The following HADH variants were observed in gnomAD, a reference collection of about 807,000 sequenced individuals.
HADH encodes hydroxyacyl-CoA dehydrogenase, also known as hydroxyacyl-coenzyme A dehydrogenase, mitochondrial.
HADH carries 24 observed loss-of-function variants against 32.2 expected under a neutral mutation model. That is an observed-to-expected ratio of 0.75 (90% CI 0.54 to 1.05). The LOEUF is 1.05. HADH is among the 50% of genes least tolerant of loss of function. The probability of loss-of-function intolerance (pLI) is 0.00; values close to 1 mark genes in which losing one functional copy is unlikely to be tolerated. For missense variants in HADH, 350 were observed against 397.1 expected, an observed-to-expected ratio of 0.88 and a Z score of 1.01; for synonymous variants, 139 against 152.5, an observed-to-expected ratio of 0.91 and a Z score of 0.65.
chr4:108,010,820 T>G (rs1179147150), intron 2 of HADH, among the ~76,000 whole-genome samples: 4 of 152,062 alleles, frequency 2.6e-5, no homozygotes, highest in Non-Finnish European at 5.9e-5. Flanking sequence ...AAGGTTCATC[T>G]ATGTTGTAAC....
At chr4:108,020,482 C>T (rs1335904160) in intron 4 of HADH, among the ~76,000 whole-genome samples, 1 of 151,966 alleles carries the variant, frequency 6.6e-6, no homozygotes, top group African/African-American at 2.4e-5. Context: ...ATAAAAAAAC[C>T]CTAAAAGTAA....
chr4:107,999,966 C>G (rs886086474), intron 1 of HADH, among the ~76,000 whole-genome samples: 2 of 152,076 alleles, frequency 1.3e-5, no homozygotes, highest in Non-Finnish European at 2.9e-5. Context: ...ATTAAAAAAG[C>G]TTATGTTAAA....
intron 2 of HADH, 142 bp from the exon 3 acceptor site, chr4:108,014,289 C>T (rs1735614290): frequency 8.4e-6 from 7 of 835,886 alleles, no homozygotes; most frequent in South Asian, 5.7e-5. Context: ...TTACAGGCTT[C>T]GTGGACACTT....
In HADH at chr4:107,997,307, G is replaced by A. The variant is rs541721291; in HGVS notation, c.132+7243G>A. 1.5e-4 allele frequency among the ~76,000 whole-genome samples: 23 copies of A among 152,294 alleles called. No individual in the cohort carries two copies. The South Asian group carries it at 4.6e-3, about 30-fold the overall frequency. ...ACGGTGGCCCTCCTTGTAATGTCTA[G>A]GCACATGGGACATCCAGTGGAACTG... is the stretch of plus-strand genomic sequence containing the variant. On this transcript the variant is annotated intron_variant, in intron 1 of 7. Coordinates refer to ENST00000309522, the MANE Select transcript of HADH (RefSeq NM_005327.7).
At chr4:108,022,556 G>A (rs1334078189) in intron 4 of HADH, among the ~76,000 whole-genome samples, 1 of 152,112 alleles carries the variant, frequency 6.6e-6, no homozygotes, top group East Asian at 1.9e-4. Context: ...GTGGCAGAGG[G>A]TGGAGTCATG....
Position 108,019,683 on chromosome 4 carries a change from T to C in HADH, c.546+17T>C, listed in dbSNP as rs761537007. ...CTTGTGGAGGTCAGTGGGTGTCAGC[T>C]TGTGTGTGTCTGCCCGCTCTGCCAG... On this transcript the variant is annotated intron_variant, in intron 4 of 7. Transcript: ENST00000309522. The C allele has an allele frequency of 6.2e-7, 1 of 1,613,884 alleles. No individual in the cohort carries two copies. The highest frequency in any genetic ancestry group is 8.5e-7 in the Non-Finnish European group (1 of 1,179,810).
intron 1 of HADH, among the ~76,000 whole-genome samples, chr4:108,003,198 G>T (rs534546898): frequency 6.6e-6 from 1 of 151,798 alleles, no homozygotes; most frequent in Admixed American, 6.6e-5. Flanking sequence ...AGTTCTGGAG[G>T]CTGGGAAGTC....
chr4:107,997,118 C>T (rs1259186793), intron 1 of HADH, among the ~76,000 whole-genome samples: 1 of 152,124 alleles, frequency 6.6e-6, no homozygotes, highest in South Asian at 2.1e-4. Context: ...CCATGACAAC[C>T]GTAAAAGGCA....
At chr4:108,013,078 G>A (rs940271631) in intron 2 of HADH, among the ~76,000 whole-genome samples, 7 of 152,174 alleles carry the variant, frequency 4.6e-5, no homozygotes, top group Admixed American at 3.9e-4. Context: ...GACTGCAGGC[G>A]CCCGCTACCA....
At chr4:108,007,988 A>G (rs924207710) in intron 1 of HADH, among the ~76,000 whole-genome samples, 2 of 152,208 alleles carry the variant, frequency 1.3e-5, no homozygotes, top group Non-Finnish European at 2.9e-5. Flanking sequence ...CATGGGTAAA[A>G]TGAAAATGCT....
chr4:108,018,611 C>A (rs1467771337), intron 3 of HADH, among the ~76,000 whole-genome samples: 7 of 152,138 alleles, frequency 4.6e-5, no homozygotes, highest in Non-Finnish European at 1.0e-4. Flanking sequence ...TCTTCCTCCT[C>A]TCCTCCCACC....
intron 1 of HADH, among the ~76,000 whole-genome samples, chr4:108,002,911 C>T (rs1211308318): frequency 2.6e-5 from 4 of 152,174 alleles, no homozygotes; most frequent in African/African-American, 9.7e-5. Context: ...AGCTAACAAG[C>T]TTTGTGCACC....
At chr4:108,032,819 T>C in intron 6 of HADH, 1 of 345,038 alleles carries the variant, frequency 2.9e-6, no homozygotes, top group Non-Finnish European at 5.5e-6. Flanking sequence ...CTATCTCTAC[T>C]AAAAATATAA....
chr4:107,997,868 C>T (rs1158011683), intron 1 of HADH, among the ~76,000 whole-genome samples: 1 of 152,130 alleles, frequency 6.6e-6, no homozygotes, highest in Non-Finnish European at 1.5e-5. Flanking sequence ...TCTCCACTGC[C>T]TTCTCCATCC....
At chr4:108,024,566 TG>T (rs1429593093) in intron 5 of HADH, 2 of 152,168 alleles carry the variant, frequency 1.3e-5, no homozygotes, top group Admixed American at 1.3e-4. Context: ...TCCCCGTCCA[TG>T]GGTAAAGTGT....
intron 4 of HADH, among the ~76,000 whole-genome samples, chr4:108,022,165 A>ATGTGTG (rs771719177): frequency 9.2e-4 from 111 of 121,276 alleles, no homozygotes; most frequent in African/African-American, 2.6e-3. Context: ...TTACATATAT[A>ATGTGTG]TATGTGTGTG....
rs1736387531 is a variant in HADH, at chr4:108,034,401, TC to T, written c.*46del. The T allele has an allele frequency of 8.9e-7, 1 of 1,120,140 alleles. No individual in the cohort carries two copies. Among genetic ancestry groups the T allele is most frequent in the Admixed American group, 1.7e-5 (1 of 59,364 alleles). The allele number at this position is 1,120,140 out of a possible 1,614,324, so 69.4% of individuals were successfully genotyped here. ...CTGAGAAGAACACCTGAGAGCGCTTTCCAGCCAGTGCCCCGAGTGCCTGTGG... is the reference window on the plus strand; with the variant it reads ...CTGAGAAGAACACCTGAGAGCGCTTTCAGCCAGTGCCCCGAGTGCCTGTGG... On this transcript the variant is annotated 3_prime_UTR_variant, in exon 8 of 8. Coordinates refer to ENST00000309522, the MANE Select transcript of HADH (RefSeq NM_005327.7).
intron 1 of HADH, among the ~76,000 whole-genome samples, chr4:108,006,089 T>C (rs749112093): frequency 3.9e-5 from 6 of 152,188 alleles, no homozygotes; most frequent in Non-Finnish European, 7.3e-5. Flanking sequence ...AAGAAAGGAA[T>C]TAAGCAAGCT....
chr4:107,999,032 C>T lies in HADH; in HGVS notation c.132+8968C>T, dbSNP rs536403304. Reference sequence around the variant, plus strand: ...AATAAGCCTGAACAATAAATGCTTTCGCCAATCTCTTAAAGTAGTTGAGAA... The same window carrying T: ...AATAAGCCTGAACAATAAATGCTTTTGCCAATCTCTTAAAGTAGTTGAGAA... On this transcript the variant is annotated intron_variant, in intron 1 of 7. Transcript: ENST00000309522. Among the ~76,000 whole-genome samples, 14 of 152,312 alleles carry T rather than the reference C, an allele frequency of 9.2e-5. No individual in the cohort carries two copies. The South Asian group carries it at 2.5e-3, about 27-fold the overall frequency.
Sources: gnomAD v4.1 joint callset for allele counts (sites outside exome capture counted in the v4.1 genomes callset) on GRCh38, gnomAD v4.1.1 for gene constraint, MANE v1.5 for transcripts, NCBI Gene and HGNC (gene_info 2026-07-23, HGNC 2026-07-21) for gene names.